TUBGCP5: variants seen among roughly 807,000 people sequenced by gnomAD.
The protein encoded by TUBGCP5 is tubulin gamma complex component 5.
Under a neutral mutation model 134.7 loss-of-function variants are expected in TUBGCP5, and 98 were observed. That is an observed-to-expected ratio of 0.73 (90% CI 0.62 to 0.86). The LOEUF is 0.86. Ranked by LOEUF, TUBGCP5 falls within the 40% of genes least tolerant of loss-of-function variation. TUBGCP5 has a pLI of 0.00. For synonymous variants in TUBGCP5, 456 were observed against 431.4 expected (o/e 1.06, Z -0.71); for missense variants, 1,150 against 1,244.8 (o/e 0.92, Z 1.15).
At chr15:22,990,513 A>G (rs990081766) in intron 23 of TUBGCP5, among the ~76,000 whole-genome samples, 5 of 152,232 alleles carry the variant, frequency 3.3e-5, no homozygotes, top group Admixed American at 3.3e-4. Flanking sequence ...AACAAATACC[A>G]GCAGAACAGG....
intron 6 of TUBGCP5, among the ~76,000 whole-genome samples, chr15:23,030,564 A>G (rs1370150979): frequency 6.7e-6 from 1 of 149,100 alleles, no homozygotes; most frequent in African/African-American, 2.5e-5. Flanking sequence ...GCTGGAGTGC[A>G]GTGGCACAAT....
At chr15:23,025,145 A>C (rs949888052) in intron 8 of TUBGCP5, among the ~76,000 whole-genome samples, 2 of 152,104 alleles carry the variant, frequency 1.3e-5, no homozygotes, top group African/African-American at 4.8e-5. Context: ...CAAGTGATCC[A>C]CCTGCCTTGG....
chr15:23,019,317 A>G lies in TUBGCP5; in HGVS notation c.1389T>C (p.Ser463=). 4 of 1,613,686 alleles carry G rather than the reference A, an allele frequency of 2.5e-6. No homozygotes were observed. Among genetic ancestry groups the G allele is most frequent in the Non-Finnish European group, 3.4e-6 (4 of 1,179,770 alleles). ...ASEQTVSLLF[S]LWVETVRPYL... is the part of the protein sequence containing the mutation. ...AAGGCCGCACCGTTTCCACCCAGAG[A>G]GAGAAAAGGAGGGAGACCTGAGGCA... The change falls in exon 12 of 23, where the codon TCT becomes TCC. Residue 463 remains serine, a synonymous_variant. Transcript: ENST00000615383.
At chr15:23,018,751 GT>G (rs753850379) in intron 12 of TUBGCP5, among the ~76,000 whole-genome samples, 13 of 152,092 alleles carry the variant, frequency 8.5e-5, no homozygotes, top group South Asian at 6.2e-4. Context: ...AAGGGAAATT[GT>G]CATAAATGGA....
chr15:23,020,172 G>C (rs1316418010), intron 11 of TUBGCP5, among the ~76,000 whole-genome samples: 1 of 151,926 alleles, frequency 6.6e-6, no homozygotes, highest in Non-Finnish European at 1.5e-5. Flanking sequence ...ACTTTGGAAG[G>C]CCGAGGTAGG....
At chr15:23,034,453 A>G (rs539417202) in intron 3 of TUBGCP5, among the ~76,000 whole-genome samples, 2 of 152,370 alleles carry the variant, frequency 1.3e-5, no homozygotes, top group African/African-American at 2.4e-5. Context: ...GATCAGAAAT[A>G]TAAGTGGTGA....
chr15:22,984,541 A>G (rs189900872), intron 23 of TUBGCP5, among the ~76,000 whole-genome samples: 1 of 152,082 alleles, frequency 6.6e-6, no homozygotes, highest in Non-Finnish European at 1.5e-5. Flanking sequence ...AATCACTTGA[A>G]TCCAGGAGAC....
chr15:23,023,884 T>C, intron 10 of TUBGCP5, 63 bp downstream of exon 10: 1 of 1,530,320 alleles, frequency 6.5e-7, no homozygotes, highest in Non-Finnish European at 8.8e-7. Context: ...TAATAAAAAC[T>C]CTAAGTGGCA....
Position 23,024,133 on chromosome 15 carries a change from G to A in TUBGCP5, c.982C>T (p.Gln328Ter). Residue 328 changes from glutamine (Q) to a stop codon, truncating the protein, a stop_gained, in exon 10 of 23, where the codon CAG becomes TAG. Coordinates refer to ENST00000615383, the MANE Select transcript of TUBGCP5 (RefSeq NM_052903.6). LOFTEE classifies it high-confidence loss of function. The stretch of plus-strand genomic sequence containing the variant: ...CCCATGACTTCATCAATGAACTCCT[G>A]GAGTCGAAACACAACCTGGCCATAT... ...AAYGQVVFRL[Q>*]EFIDEVMGHS... 1.9e-6 allele frequency: 3 copies of A among 1,614,088 alleles called. No individual in the cohort carries two copies. Among genetic ancestry groups the A allele is most frequent in the Non-Finnish European group, 2.5e-6 (3 of 1,180,014 alleles).
intron 10 of TUBGCP5, chr15:23,022,934 A>C (rs2065784022): frequency 6.6e-6 from 1 of 152,248 alleles, no homozygotes; most frequent in Non-Finnish European, 1.5e-5. Flanking sequence ...TAACACACAG[A>C]TGGCAAGAAG....
downstream of TUBGCP5, among the ~76,000 whole-genome samples, chr15:22,994,284 T>A (rs145144220): frequency 1.2e-3 from 189 of 152,006 alleles, 1 homozygote; most frequent in Middle Eastern, 0.01. Context: ...GAGACGGGGT[T>A]TCACCATATT....
chr15:23,000,738 G>T, intron 21 of TUBGCP5, 69 bp from the exon 22 acceptor site: 1 of 1,137,700 alleles, frequency 8.8e-7, no homozygotes, highest in Non-Finnish European at 1.2e-6. Context: ...CAAGATATCT[G>T]TGGAGTAATT....
At chr15:23,000,138 C>T (rs764373510) in intron 22 of TUBGCP5, 29 of 689,974 alleles carry the variant, frequency 4.2e-5, no homozygotes, top group South Asian at 1.2e-4. Flanking sequence ...CTTCCAACTC[C>T]TGACCTTAAG....
rs546937195 is a variant in TUBGCP5 at position 23,035,819 on chromosome 15, A to G, written c.309+1078T>C. On this transcript the variant is annotated intron_variant, in intron 3 of 22. Transcript: ENST00000615383. ...ACACAGAGGGGATAGTGAAGCAGAC[A>G]AGACTGCACAGCCTTACTGATTCCC... 3.3e-4 allele frequency among the ~76,000 whole-genome samples: 50 copies of G among 152,306 alleles called. 2 individuals carry two copies. In the South Asian group the frequency reaches 9.5e-3, roughly 29 times the overall value.
Position 22,999,701 on chromosome 15 carries a change from G to T in TUBGCP5, c.*119C>A. ...GAGGCATGAGCGACTGTGCCAGGCT[G>T]ACTGTGGACAAGTTTTACAAATAAA... On this transcript the variant is annotated 3_prime_UTR_variant, in exon 23 of 23. Transcript: ENST00000615383. 8.9e-7 allele frequency: 1 copy of T among 1,126,270 alleles called. No individual in the cohort carries two copies. Among genetic ancestry groups the T allele is most frequent in the South Asian group, 1.3e-5 (1 of 75,014 alleles). The allele number at this position is 1,126,270 out of a possible 1,614,324, so 69.8% of individuals were successfully genotyped here.
At position 23,008,624 on chromosome 15, in the gene TUBGCP5, T is replaced by C. The variant is rs957116786; in HGVS notation, c.2327+75A>G. ...GGAATAGTGAGGATAAAATAATATG[T>C]GTAATTCATAGAAGACTTACTGGCA... On this transcript the variant is annotated intron_variant, in intron 16 of 22. Transcript: ENST00000615383. 4.2e-6 allele frequency: 6 copies of C among 1,435,076 alleles called. No individual in the cohort carries two copies. The East Asian group carries it at 1.4e-4, about 33-fold the overall frequency. 88.9% of individuals were successfully genotyped at this position (1,435,076 alleles called of 1,614,324 possible). A position where few individuals can be genotyped will look rare whatever the true frequency, so the allele number is the denominator to read the frequency against.
intron 11 of TUBGCP5, among the ~76,000 whole-genome samples, chr15:23,021,343 A>T (rs569232125): frequency 6.6e-6 from 1 of 152,194 alleles, no homozygotes; most frequent in African/African-American, 2.4e-5. Flanking sequence ...ATTTTAAAAA[A>T]TTTTAATTTA....
intron 23 of TUBGCP5, among the ~76,000 whole-genome samples, chr15:22,985,374 A>G (rs992090309): frequency 1.3e-4 from 20 of 150,134 alleles, no homozygotes; most frequent in African/African-American, 4.7e-4. Context: ...ATGCGCCACC[A>G]CTCCTGGCTA....
In TUBGCP5 at chr15:23,006,084, G is replaced by GC; in HGVS notation, c.2500dup (p.Ala834GlyfsTer4). On this transcript the variant is annotated frameshift_variant, in exon 18 of 23. Coordinates refer to ENST00000615383, the MANE Select transcript of TUBGCP5 (RefSeq NM_052903.6). LOFTEE classifies it high-confidence loss of function. ...AAGTAAAACATCCAGACTATATTTT[G>GC]CCCACTTTATTTGCAATAAGAGAAG... is the stretch of plus-strand genomic sequence containing the variant. The GC allele has an allele frequency of 6.2e-7, 1 of 1,609,712 alleles. No individual in the cohort carries two copies. Among genetic ancestry groups the GC allele is most frequent in the Non-Finnish European group, 8.5e-7 (1 of 1,179,086 alleles).
Sources: allele counts gnomAD v4.1 joint callset (sites outside exome capture counted in the v4.1 genomes callset), GRCh38; gene constraint gnomAD v4.1.1; transcripts MANE v1.5; gene names NCBI Gene and HGNC (gene_info 2026-07-23, HGNC 2026-07-21).